Variants in NKAIN2 observed in about 807,000 individuals in gnomAD.
NKAIN2 encodes sodium/potassium-transporting ATPase subunit beta-1-interacting protein 2.
Under a neutral mutation model 32.6 loss-of-function variants are expected in NKAIN2, and 14 were observed. The ratio of observed to expected loss-of-function variants is 0.43; its 90% CI spans 0.28 to 0.67. The LOEUF is 0.67. Among genes scored for constraint, NKAIN2 ranks in the 30% least tolerant of loss-of-function variants. The pLI, the probability that NKAIN2 is intolerant of heterozygous loss-of-function variation, is 0.17. For missense variants in NKAIN2, 198 were observed against 258.3 expected, an observed-to-expected ratio of 0.77 and a Z score of 1.60; for synonymous variants, 80 against 87.2, an observed-to-expected ratio of 0.92 and a Z score of 0.46.
chr6:124,591,565 CA>C (rs771820054), intron 3 of NKAIN2, among the ~76,000 whole-genome samples: 9 of 151,986 alleles, frequency 5.9e-5, no homozygotes, highest in Admixed American at 2.0e-4. Context: ...CTGTCCACTG[CA>C]AAAAAATAAT....
chr6:124,357,237 T>TA (rs1025258271), intron 3 of NKAIN2, among the ~76,000 whole-genome samples: 7 of 150,982 alleles, frequency 4.6e-5, no homozygotes, highest in Non-Finnish European at 7.4e-5. Flanking sequence ...ACAAATAACC[T>TA]AAAAAAAAAC....
chr6:124,089,148 G>A (rs1034530522), intron 1 of NKAIN2, among the ~76,000 whole-genome samples: 1 of 151,946 alleles, frequency 6.6e-6, no homozygotes, highest in African/African-American at 2.4e-5. Context: ...TGCTTACAGA[G>A]TATATTCCGT....
chr6:124,294,315 C>T (rs73773717), intron 2 of NKAIN2, among the ~76,000 whole-genome samples: 3,707 of 152,116 alleles, frequency 0.024, 148 homozygotes, highest in African/African-American at 0.084. Flanking sequence ...AACCCAGTTC[C>T]GTAAGAGCAG....
At chr6:124,115,449 CAT>C (rs1216324275) in intron 1 of NKAIN2, among the ~76,000 whole-genome samples, 2 of 152,038 alleles carry the variant, frequency 1.3e-5, no homozygotes, top group Non-Finnish European at 2.9e-5. Context: ...AGCCTTATCA[CAT>C]GACTATAGTG....
chr6:124,592,267 A>G (rs1355751725), intron 3 of NKAIN2, among the ~76,000 whole-genome samples: 1 of 152,194 alleles, frequency 6.6e-6, no homozygotes, highest in Non-Finnish European at 1.5e-5. Flanking sequence ...AGTTTTCAGA[A>G]TTTTAGATAA....
intron 4 of NKAIN2, among the ~76,000 whole-genome samples, chr6:124,679,140 A>T (rs1562320166): frequency 6.6e-6 from 1 of 152,012 alleles, no homozygotes; most frequent in Non-Finnish European, 1.5e-5. Flanking sequence ...GTCCCTGGAC[A>T]GCCCACCCCC....
At chr6:123,903,778 A>G (rs939571663) in intron 1 of NKAIN2, among the ~76,000 whole-genome samples, 2 of 152,180 alleles carry the variant, frequency 1.3e-5, no homozygotes, top group African/African-American at 4.8e-5. Flanking sequence ...TTATTTGCCT[A>G]ATTATTATTT....
intron 3 of NKAIN2, among the ~76,000 whole-genome samples, chr6:124,454,113 G>GTT (rs1776230266): frequency 6.9e-6 from 1 of 145,600 alleles, no homozygotes; most frequent in Non-Finnish European, 1.5e-5. Context: ...TTTTGGGGGG[G>GTT]GGGGTTGCTG....
intron 5 of NKAIN2, among the ~76,000 whole-genome samples, chr6:124,802,391 T>C (rs1028357131): frequency 6.6e-6 from 1 of 152,172 alleles, no homozygotes; most frequent in African/African-American, 2.4e-5. Context: ...TCATATATAA[T>C]TGAAAGCAAT....
chr6:124,532,618 C>T (rs1010854406), intron 3 of NKAIN2, among the ~76,000 whole-genome samples: 6 of 152,154 alleles, frequency 3.9e-5, no homozygotes, highest in African/African-American at 7.2e-5. Flanking sequence ...AGTATGGTCC[C>T]GCCTATTTAG....
chr6:124,331,031 A>G (rs1393244176), intron 2 of NKAIN2, among the ~76,000 whole-genome samples: 1 of 152,112 alleles, frequency 6.6e-6, no homozygotes, highest in Non-Finnish European at 1.5e-5. Flanking sequence ...CCTGGTGCCA[A>G]AAAGGTTGGG....
At position 124,745,365 on chromosome 6, in the gene NKAIN2, G is replaced by A. The variant is rs528814160; in HGVS notation, c.475-45974G>A. Among the ~76,000 whole-genome samples, 97 of 151,924 alleles carry A rather than the reference G, an allele frequency of 6.4e-4. 2 individuals are homozygous for A. The South Asian group carries it at 0.019, about 30-fold the overall frequency. ...GGGATTTTAATGTTCAGATTTTACC[G>A]TCTAATATGACAGAATCTCTCAGAC... On this transcript the variant is annotated intron_variant, in intron 4 of 6. Coordinates refer to ENST00000368417, the MANE Select transcript of NKAIN2 (RefSeq NM_001040214.3).
chr6:123,926,451 A>G (rs1776007306), intron 1 of NKAIN2, among the ~76,000 whole-genome samples: 12 of 149,988 alleles, frequency 8.0e-5, no homozygotes, highest in Admixed American at 6.0e-4. Flanking sequence ...CCAGATGCCC[A>G]CTGCTCCGTT....
At chr6:124,720,079 T>A (rs1450326867) in intron 4 of NKAIN2, among the ~76,000 whole-genome samples, 1 of 152,142 alleles carries the variant, frequency 6.6e-6, no homozygotes, top group Non-Finnish European at 1.5e-5. Context: ...CAATCAAGAT[T>A]CATGCTATCA....
intron 1 of NKAIN2, among the ~76,000 whole-genome samples, chr6:124,057,832 G>A (rs1279476912): frequency 6.6e-6 from 1 of 151,922 alleles, no homozygotes; most frequent in Non-Finnish European, 1.5e-5. Flanking sequence ...CCTCAAAATG[G>A]TGGTAAAATG....
At chr6:124,425,737 A>G (rs2114547882) in intron 3 of NKAIN2, among the ~76,000 whole-genome samples, 1 of 152,240 alleles carries the variant, frequency 6.6e-6, no homozygotes, top group African/African-American at 2.4e-5. Context: ...TAAAATGCAA[A>G]TTAAAAGCAC....
chr6:124,667,441 A>C (rs138466334), intron 4 of NKAIN2, among the ~76,000 whole-genome samples: 44 of 152,260 alleles, frequency 2.9e-4, no homozygotes, highest in African/African-American at 1.0e-3. Flanking sequence ...TTAAATTATA[A>C]GTTATTTCAG....
chr6:124,203,351 T>C (rs1790683401), intron 1 of NKAIN2, among the ~76,000 whole-genome samples: 1 of 151,888 alleles, frequency 6.6e-6, no homozygotes, highest in Non-Finnish European at 1.5e-5. Context: ...GATAGCTGTA[T>C]TAAAACTATG....
chr6:124,309,152 G>T (rs2753170), intron 2 of NKAIN2, among the ~76,000 whole-genome samples: 1 of 152,098 alleles, frequency 6.6e-6, no homozygotes, highest in East Asian at 1.9e-4. Context: ...GTAACTTATA[G>T]AAAGTGCAGT....
Sources: gnomAD v4.1 joint callset for allele counts (sites outside exome capture counted in the v4.1 genomes callset) on GRCh38, gnomAD v4.1.1 for gene constraint, MANE v1.5 for transcripts, NCBI Gene and HGNC (gene_info 2026-07-23, HGNC 2026-07-21) for gene names.